The following PKHD1L1 variants were observed in gnomAD, a reference collection of about 807,000 sequenced individuals.
The protein encoded by PKHD1L1 is fibrocystin-L.
In PKHD1L1, 434 loss-of-function variants were observed where a neutral mutation model predicts 462.9. The ratio of observed to expected loss-of-function variants is 0.94; its 90% confidence interval spans 0.87 to 1.02. The LOEUF is 1.02. Ranked by LOEUF, PKHD1L1 falls within the 50% of genes least tolerant of loss-of-function variation. The probability of loss-of-function intolerance (pLI) is 0.00; values close to 1 mark genes in which losing one functional copy is unlikely to be tolerated. For synonymous variants in PKHD1L1, 1,781 were observed against 1,750.0 expected (o/e 1.02, Z -0.44); for missense variants, 5,202 against 5,096.1 (o/e 1.02, Z -0.63).
At chr8:109,405,687 G>C (rs893004215) in intron 16 of PKHD1L1, among the ~76,000 whole-genome samples, 2 of 151,870 alleles carry the variant, frequency 1.3e-5, no homozygotes, top group East Asian at 1.9e-4. Flanking sequence ...GGGCCTGTTG[G>C]GGGGTGGGGT....
intron 67 of PKHD1L1, among the ~76,000 whole-genome samples, chr8:109,503,813 C>T (rs1248625306): frequency 1.3e-5 from 2 of 152,174 alleles, no homozygotes; most frequent in African/African-American, 4.8e-5. Flanking sequence ...ACTGGTCTCA[C>T]CTGGTCTTGT....
Position 109,429,953 on chromosome 8 carries a change from AT to A in PKHD1L1, c.3147del (p.Pro1050GlnfsTer19), listed in dbSNP as rs1375650753. On this transcript the variant is annotated frameshift_variant, in exon 27 of 78. Transcript: ENST00000378402. LOFTEE classifies it high-confidence loss of function. ...QPQVEVYVNGIPAKCSGDCGF... is the reference protein window; with the variant it reads ...QPQVEVYVNGXPAKCSGDCGF... The stretch of plus-strand genomic sequence containing the variant: ...GAAGGTTGAAGTCTATGTCAATGGA[AT>A]TCCAGCTAAATGTTCAGGTGACTGT... 1.9e-6 allele frequency: 3 copies of A among 1,612,348 alleles called. No homozygotes were observed. Among genetic ancestry groups the A allele is most frequent in the Non-Finnish European group, 2.5e-6 (3 of 1,179,076 alleles).
At chr8:109,377,096 G>A (rs1811876284) in intron 2 of PKHD1L1, among the ~76,000 whole-genome samples, 1 of 152,210 alleles carries the variant, frequency 6.6e-6, no homozygotes, top group Admixed American at 6.5e-5. Context: ...AATTTAAAAA[G>A]CAGTTGTACC....
At chr8:109,404,881 C>A in intron 15 of PKHD1L1, 114 bp from the exon 16 acceptor site, 1 of 1,095,422 alleles carries the variant, frequency 9.1e-7, no homozygotes, top group Non-Finnish European at 1.3e-6. Flanking sequence ...AAGGCTGTTA[C>A]TTGTCATTTG....
Position 109,522,160 on chromosome 8 carries a change from A to G in PKHD1L1, c.12032-26A>G, listed in dbSNP as rs201300028. ...TCACAATTCTATACTTTTATAATCCAAATGTCATAATACTTTTCCCCATAG... is the reference window on the plus strand; with the variant it reads ...TCACAATTCTATACTTTTATAATCCGAATGTCATAATACTTTTCCCCATAG... On this transcript the variant is annotated intron_variant, in intron 73 of 77. Coordinates refer to ENST00000378402, the MANE Select transcript of PKHD1L1 (RefSeq NM_177531.6). 4.4e-5 allele frequency: 69 copies of G among 1,563,844 alleles called. No homozygotes were observed. In the African/African-American group the frequency reaches 8.6e-4, roughly 19 times the overall value.
chr8:109,409,110 C>T (rs555632019), intron 18 of PKHD1L1, among the ~76,000 whole-genome samples: 1 of 152,222 alleles, frequency 6.6e-6, no homozygotes, highest in South Asian at 2.1e-4. Flanking sequence ...TAATTCTAAG[C>T]GACAATTATT....
At chr8:109,365,482 A>G (rs1382476966) in intron 2 of PKHD1L1, among the ~76,000 whole-genome samples, 2 of 152,178 alleles carry the variant, frequency 1.3e-5, no homozygotes, top group African/African-American at 4.8e-5. Flanking sequence ...TCTACATTAT[A>G]AACAATATAT....
At chr8:109,428,373 T>C (rs2130682591) in intron 25 of PKHD1L1, among the ~76,000 whole-genome samples, 1 of 152,260 alleles carries the variant, frequency 6.6e-6, no homozygotes, top group East Asian at 1.9e-4. Context: ...CACATATATT[T>C]ACCTGGAAAG....
At chr8:109,435,064 G>T in intron 28 of PKHD1L1, 126 bp from the exon 29 acceptor site, 1 of 941,460 alleles carries the variant, frequency 1.1e-6, no homozygotes, top group Non-Finnish European at 1.6e-6. Context: ...TATATGATTG[G>T]TTTTCTTTGG....
Position 109,443,742 on chromosome 8 carries a change from G to A in PKHD1L1, c.4631G>A (p.Ser1544Asn), listed in dbSNP as rs760532553. The change falls in exon 37 of 78, where the codon AGC (serine) becomes AAC (asparagine). Residue 1544 changes from serine (S) to asparagine (N), a missense_variant. By Grantham distance (46) the Ser-to-Asn change is conservative. Around this residue, in one of 3 missense-constraint regions of PKHD1L1, gnomAD observed 4,497 missense variants for 4,336.8 expected, o/e 1.04. Transcript: ENST00000378402. Reference sequence around the variant, plus strand: ...TGCCTAGCAACAGAACCCCTGTGCAGCCTGAACAATACCAGGGTTAAAAAT... The same window carrying A: ...TGCCTAGCAACAGAACCCCTGTGCAACCTGAACAATACCAGGGTTAAAAAT... The part of the protein sequence containing the change: ...AGCLATEPLC[S>N]LNNTRVKNSK... 2.5e-6 allele frequency: 4 copies of A among 1,613,682 alleles called. No homozygotes were observed. The highest frequency in any genetic ancestry group is 3.4e-6 in the Non-Finnish European group (4 of 1,179,788).
chr8:109,476,385 C>A, intron 51 of PKHD1L1, 123 bp from the exon 52 acceptor site: 4 of 644,894 alleles, frequency 6.2e-6, no homozygotes, highest in East Asian at 3.3e-5. Flanking sequence ...AGACAAAAAA[C>A]AAACTAAAGC....
chr8:109,400,482 T>C (rs1813219097), intron 13 of PKHD1L1, 138 bp downstream of exon 13: 2 of 1,015,394 alleles, frequency 2.0e-6, no homozygotes, highest in Admixed American at 5.9e-5. Flanking sequence ...CTCTTGGCTA[T>C]TATCCTGGAT....
In PKHD1L1 at chr8:109,530,126, T is replaced by G. The variant is rs1238076591; in HGVS notation, c.*36T>G. On this transcript the variant is annotated 3_prime_UTR_variant, in exon 78 of 78. Transcript: ENST00000378402. ...CGAAGAATAGGCTGAAACAAAAATA[T>G]AAGAATTATTAGCTACTTTGTTGGG... The G allele has an allele frequency of 3.2e-6, 4 of 1,269,786 alleles. No homozygotes were observed. The highest frequency in any genetic ancestry group is 6.8e-5 in the Admixed American group (2 of 29,258). The allele number at this position is 1,269,786 out of a possible 1,614,324, so 78.7% of individuals were successfully genotyped here.
At chr8:109,462,109 T>A (rs182104671) in intron 48 of PKHD1L1, among the ~76,000 whole-genome samples, 1 of 152,280 alleles carries the variant, frequency 6.6e-6, no homozygotes, top group East Asian at 1.9e-4. Flanking sequence ...ATCGAATTAA[T>A]CAGCATTTCT....
chr8:109,484,545 G>T (rs1355912334), intron 57 of PKHD1L1, among the ~76,000 whole-genome samples: 4 of 151,928 alleles, frequency 2.6e-5, no homozygotes, highest in African/African-American at 9.7e-5. Context: ...TTTGTCAAGG[G>T]TACATCTGAG....
intron 75 of PKHD1L1, among the ~76,000 whole-genome samples, 159 bp from the exon 76 acceptor site, chr8:109,523,074 T>C (rs1174706924): frequency 6.6e-6 from 1 of 152,182 alleles, no homozygotes; most frequent in East Asian, 1.9e-4. Context: ...TAAACGAACT[T>C]CTGCTGCTCA....
At chr8:109,472,602 A>G (rs910857446) in intron 50 of PKHD1L1, among the ~76,000 whole-genome samples, 3 of 152,198 alleles carry the variant, frequency 2.0e-5, no homozygotes, top group African/African-American at 7.2e-5. Context: ...AACGCAGGAC[A>G]TTGCAAATAG....
chr8:109,478,935 C>T (rs572818840), intron 53 of PKHD1L1, among the ~76,000 whole-genome samples: 3 of 152,124 alleles, frequency 2.0e-5, no homozygotes, highest in Admixed American at 6.6e-5. Context: ...AGAAGTGCTA[C>T]CTCAGGATTA....
At chr8:109,415,360 T>C (rs1814094614) in intron 21 of PKHD1L1, among the ~76,000 whole-genome samples, 1 of 152,136 alleles carries the variant, frequency 6.6e-6, no homozygotes, top group Non-Finnish European at 1.5e-5. Context: ...ACTTTAGAAA[T>C]TCATATACTC....
Sources: allele counts gnomAD v4.1 joint callset (sites outside exome capture counted in the v4.1 genomes callset), GRCh38; gene constraint gnomAD v4.1.1; regional missense constraint gnomAD v4.1.1; transcripts MANE v1.5; gene names NCBI Gene and HGNC (gene_info 2026-07-23, HGNC 2026-07-21).